The following SRPK2 variants were observed in gnomAD, a reference collection of about 807,000 sequenced individuals.
The protein encoded by SRPK2 is SFRS protein kinase 2.
In SRPK2, 21 loss-of-function variants were observed where a neutral mutation model predicts 90.8. The ratio of observed to expected loss-of-function variants is 0.23; its 90% CI spans 0.16 to 0.33. The LOEUF (loss-of-function observed/expected upper bound fraction) is 0.33, where lower values mean the gene tolerates loss of function less well. Ranked by LOEUF, SRPK2 falls within the 10% of genes least tolerant of loss-of-function variation. The pLI is 1.00. For synonymous variants in SRPK2, 288 were observed against 311.1 expected, an observed-to-expected ratio of 0.93 and a Z score of 0.78; for missense variants, 620 against 869.0, an observed-to-expected ratio of 0.71 and a Z score of 3.60.
intron 2 of SRPK2, among the ~76,000 whole-genome samples, chr7:105,277,412 C>G (rs900393818): frequency 6.6e-6 from 1 of 152,172 alleles, no homozygotes; most frequent in African/African-American, 2.4e-5. Flanking sequence ...CGCTGAAATG[C>G]AAAAGGCCCG....
chr7:105,198,261 A>G (rs1203957635), intron 3 of SRPK2, among the ~76,000 whole-genome samples: 2 of 152,182 alleles, frequency 1.3e-5, no homozygotes, highest in Non-Finnish European at 2.9e-5. Context: ...AGGAATGTTT[A>G]CCAGGCACCC....
intron 11 of SRPK2, among the ~76,000 whole-genome samples, chr7:105,138,962 T>C (rs1278673117): frequency 2.6e-5 from 4 of 152,228 alleles, no homozygotes; most frequent in Non-Finnish European, 5.9e-5. Context: ...ACACAAAGTA[T>C]ATGCAATGCG....
At chr7:105,257,667 G>A (rs2129644329) in intron 2 of SRPK2, among the ~76,000 whole-genome samples, 1 of 152,028 alleles carries the variant, frequency 6.6e-6, no homozygotes, top group African/African-American at 2.4e-5. Flanking sequence ...TCAGACAACA[G>A]AATCTAGACA....
intron 2 of SRPK2, among the ~76,000 whole-genome samples, chr7:105,369,121 TTATTTTATTATTATTA>T (rs1329343639): frequency 1.6e-5 from 2 of 126,986 alleles, no homozygotes; most frequent in Admixed American, 9.2e-5. Context: ...TACACAAGAT[TTATTTTATTATTATTA>T]TTATTATTAT....
intron 6 of SRPK2, among the ~76,000 whole-genome samples, chr7:105,161,594 A>G (rs2129582958): frequency 6.6e-6 from 1 of 152,252 alleles, no homozygotes; most frequent in African/African-American, 2.4e-5. Flanking sequence ...CCATCTCAGC[A>G]CACTCCCTGG....
chr7:105,308,964 C>T (rs2131360202), intron 2 of SRPK2, among the ~76,000 whole-genome samples: 1 of 152,224 alleles, frequency 6.6e-6, no homozygotes, highest in African/African-American at 2.4e-5. Context: ...CAGAATCCTG[C>T]TTAGGGCCCT....
chr7:105,304,779 A>G (rs553573598), intron 2 of SRPK2, among the ~76,000 whole-genome samples: 1 of 152,192 alleles, frequency 6.6e-6, no homozygotes, highest in South Asian at 2.1e-4. Flanking sequence ...CAGATGATAT[A>G]TAGACAATCC....
chr7:105,217,345 T>G (rs1411360710), intron 2 of SRPK2, among the ~76,000 whole-genome samples: 2 of 152,188 alleles, frequency 1.3e-5, no homozygotes, highest in East Asian at 1.9e-4. Flanking sequence ...AAAAAGTGAC[T>G]TACCTAATTA....
chr7:105,340,166 T>C (rs968963985), intron 2 of SRPK2, among the ~76,000 whole-genome samples: 3 of 152,124 alleles, frequency 2.0e-5, no homozygotes, highest in African/African-American at 7.2e-5. Context: ...TAAAAAATTA[T>C]TTTTATTAAT....
intron 2 of SRPK2, among the ~76,000 whole-genome samples, chr7:105,247,218 C>G (rs941260395): frequency 6.6e-6 from 1 of 152,162 alleles, no homozygotes; most frequent in East Asian, 1.9e-4. Context: ...TCTCTATATA[C>G]TAACTAAGTC....
At chr7:105,342,986 C>G (rs1816007385) in intron 2 of SRPK2, among the ~76,000 whole-genome samples, 1 of 152,108 alleles carries the variant, frequency 6.6e-6, no homozygotes. Context: ...TTTCTAAACC[C>G]AAACCTACTC....
At chr7:105,126,409 G>A in intron 14 of SRPK2, 69 bp from the exon 15 acceptor site, 2 of 1,169,908 alleles carry the variant, frequency 1.7e-6, no homozygotes, top group Non-Finnish European at 2.5e-6. Context: ...AAAAGAAGAG[G>A]GAAAAATTGA....
chr7:105,261,027 A>T (rs927691889), intron 2 of SRPK2, among the ~76,000 whole-genome samples: 5 of 150,526 alleles, frequency 3.3e-5, no homozygotes, highest in African/African-American at 1.2e-4. Context: ...GAAATTAAAA[A>T]AAAAAAAAAA....
Position 105,209,743 on chromosome 7 carries a change from AAG to A in SRPK2, c.72-5960_72-5959del, listed in dbSNP as rs3839740. Among the ~76,000 whole-genome samples, 470 of 152,142 alleles carry A rather than the reference AAG, an allele frequency of 3.1e-3. 14 individuals are homozygous for A. The East Asian group carries it at 0.063, about 20-fold the overall frequency. On this transcript the variant is annotated intron_variant, in intron 2 of 15. Coordinates refer to ENST00000393651, the MANE Select transcript of SRPK2 (RefSeq NM_182692.3). ...AGAGCAAAGCAAAGCAAAAGAGAAAAAGAGGGGAGGAGAGAAAAAAGAAAAAC... is the reference window on the plus strand; with the variant it reads ...AGAGCAAAGCAAAGCAAAAGAGAAAAAGGGGAGGAGAGAAAAAAGAAAAAC...
intron 2 of SRPK2, among the ~76,000 whole-genome samples, chr7:105,333,172 C>T (rs1030134910): frequency 2.0e-5 from 3 of 151,650 alleles, no homozygotes; most frequent in Admixed American, 6.6e-5. Flanking sequence ...CCAGCCTGAG[C>T]GACAGAGTGA....
chr7:105,235,752 G>A (rs771991658), intron 2 of SRPK2, among the ~76,000 whole-genome samples: 13 of 151,932 alleles, frequency 8.6e-5, no homozygotes, highest in Admixed American at 7.9e-4. Context: ...ATTTCTACTA[G>A]TGAACTCTAA....
intron 2 of SRPK2, among the ~76,000 whole-genome samples, chr7:105,364,353 G>A (rs922426333): frequency 4.0e-5 from 6 of 150,694 alleles, no homozygotes; most frequent in African/African-American, 1.5e-4. Context: ...TCTCTCTATT[G>A]AGTTCTCTTC....
intron 2 of SRPK2, among the ~76,000 whole-genome samples, chr7:105,362,516 C>CAA (rs1204929885): frequency 8.6e-5 from 5 of 57,970 alleles, no homozygotes; most frequent in South Asian, 5.7e-4. Context: ...GACTCTGTCT[C>CAA]AAAAAAAAAA....
chr7:105,247,531 A>AACACACACACACACATAAACACACAC (rs1801854122), intron 2 of SRPK2, among the ~76,000 whole-genome samples: 1 of 145,162 alleles, frequency 6.9e-6, no homozygotes, highest in Non-Finnish European at 1.5e-5. Context: ...CACACACATA[A>AACACACACACACACATAAACACACAC]ACACACACAC....
Sources: allele counts gnomAD v4.1 joint callset (sites outside exome capture counted in the v4.1 genomes callset), GRCh38; gene constraint gnomAD v4.1.1; transcripts MANE v1.5; gene names NCBI Gene and HGNC (gene_info 2026-07-23, HGNC 2026-07-21).